The following BRIP1 variants were observed in gnomAD, a reference collection of about 807,000 sequenced individuals.
The protein encoded by BRIP1 is Fanconi anemia group J protein.
BRIP1 carries 88 observed loss-of-function variants against 119.7 expected under a neutral mutation model. The ratio of observed to expected loss-of-function variants is 0.74; its 90% CI spans 0.62 to 0.88. BRIP1 has a LOEUF of 0.88. BRIP1 is among the 40% of genes least tolerant of loss of function. The pLI is 0.00. For missense variants in BRIP1, 1,259 were observed against 1,455.4 expected (o/e 0.87, Z 2.20); for synonymous variants, 443 against 496.5 (o/e 0.89, Z 1.43).
intron 14 of BRIP1, among the ~76,000 whole-genome samples, chr17:61,772,423 T>C (rs570114024): frequency 5.3e-5 from 8 of 151,892 alleles, no homozygotes; most frequent in African/African-American, 1.9e-4. Context: ...TGGGGAGTTA[T>C]TTTGTGGGAA....
At chr17:61,837,028 C>T (rs144381992) in intron 6 of BRIP1, among the ~76,000 whole-genome samples, 164 of 152,144 alleles carry the variant, frequency 1.1e-3, no homozygotes, top group African/African-American at 3.5e-3. Context: ...GCTATAATTG[C>T]GGAAAATATT....
rs2144647168 is a variant in BRIP1, at chr17:61,739,724, G to A, written c.2379+3289C>T. Among the ~76,000 whole-genome samples the A allele has an allele frequency of 6.6e-6, 1 of 152,264 alleles. No homozygotes were observed. The highest frequency in any genetic ancestry group is 3.4e-3 in the Middle Eastern group (1 of 294). ...TGAGACCCTAACTGACTGTATCCTA[G>A]GGGGAGGGATATAGGTCATAATCAA... On this transcript the variant is annotated intron_variant, in intron 16 of 19. Transcript: ENST00000259008. The surrounding 1 kb of genome is among the most constrained non-coding windows in gnomAD (Gnocchi z 6.0).
rs918147849 is a variant in BRIP1, at chr17:61,852,908, G to A, written c.380-3652C>T. ...GGGTTGGAGGGATCTGACCGGGGACGCATAAATTGATTCAACCACTTTAGA... is the reference window on the plus strand; with the variant it reads ...GGGTTGGAGGGATCTGACCGGGGACACATAAATTGATTCAACCACTTTAGA... On this transcript the variant is annotated intron_variant, in intron 4 of 19. Coordinates refer to ENST00000259008, the MANE Select transcript of BRIP1 (RefSeq NM_032043.3). This position sits in a 1 kb window ranked among gnomAD's most constrained non-coding sequence, Gnocchi z 4.9. 1.3e-5 allele frequency among the ~76,000 whole-genome samples: 2 copies of A among 152,100 alleles called. No individual in the cohort carries two copies. Among genetic ancestry groups the A allele is most frequent in the East Asian group, 1.9e-4 (1 of 5,180 alleles).
In BRIP1 at chr17:61,789,852, A is replaced by G. The variant is rs2077788711; in HGVS notation, c.1473+3745T>C. On this transcript the variant is annotated intron_variant, in intron 10 of 19. Transcript: ENST00000259008. This position sits in a 1 kb window ranked among gnomAD's most constrained non-coding sequence, Gnocchi z 4.8. Reference sequence around the variant, plus strand: ...AAGGCATAAGTAGACATAAATCACAATGTTCACAATGTTCATCTTTGAGTT... The same window carrying G: ...AAGGCATAAGTAGACATAAATCACAGTGTTCACAATGTTCATCTTTGAGTT... Among the ~76,000 whole-genome samples the G allele has an allele frequency of 1.3e-5, 2 of 152,194 alleles. No individual in the cohort carries two copies. The highest frequency in any genetic ancestry group is 1.3e-4 in the Admixed American group (2 of 15,284).
rs2078401108 is a variant in BRIP1, at chr17:61,825,988, C to G, written c.628-17231G>C. Among the ~76,000 whole-genome samples the G allele has an allele frequency of 6.6e-6, 1 of 152,142 alleles. No individual in the cohort carries two copies. Among genetic ancestry groups the G allele is most frequent in the African/African-American group, 2.4e-5 (1 of 41,426 alleles). ...GAACAAAGCTGGAGGCATCGCACTACCCAACTTCAAACTATACTACGTGGC... is the reference window on the plus strand; with the variant it reads ...GAACAAAGCTGGAGGCATCGCACTAGCCAACTTCAAACTATACTACGTGGC... On this transcript the variant is annotated intron_variant, in intron 6 of 19. Coordinates refer to ENST00000259008, the MANE Select transcript of BRIP1 (RefSeq NM_032043.3). This position sits in a 1 kb window ranked among gnomAD's most constrained non-coding sequence, Gnocchi z 4.1.
intron 19 of BRIP1, chr17:61,685,601 C>T: frequency 1.8e-6 from 1 of 545,856 alleles, no homozygotes; most frequent in Admixed American, 3.4e-5. Context: ...TGCTCATGAT[C>T]ACAAAGCTAG....
chr17:61,727,173 G>C (rs760996966), intron 16 of BRIP1, among the ~76,000 whole-genome samples: 1 of 152,070 alleles, frequency 6.6e-6, no homozygotes, highest in Non-Finnish European at 1.5e-5. Context: ...AGAGGCTTTT[G>C]GATGCCAGAA....
Position 61,793,694 on chromosome 17 carries a change from C to G in BRIP1, c.1376G>C (p.Arg459Thr), listed in dbSNP as rs2145243558. The G allele has an allele frequency of 1.2e-6, 2 of 1,610,714 alleles. No homozygotes were observed. The highest frequency in any genetic ancestry group is 1.7e-6 in the Non-Finnish European group (2 of 1,178,434). ...TATTTTACAAGCTGATTCATAATCTCTTTCTACAAGATATTCAGCGTTTGC... is the reference window on the plus strand; with the variant it reads ...TATTTTACAAGCTGATTCATAATCTGTTTCTACAAGATATTCAGCGTTTGC... Reference protein sequence around the residue: ...LEANAEYLVERDYESACKIWS... With the variant: ...LEANAEYLVETDYESACKIWS... The change falls in exon 10 of 20, where the codon AGA (arginine) becomes ACA (threonine). Residue 459 changes from arginine to threonine, a missense_variant. Coordinates refer to ENST00000259008, the MANE Select transcript of BRIP1 (RefSeq NM_032043.3). The surrounding 1 kb of genome is among the most constrained non-coding windows in gnomAD (Gnocchi z 5.2).
At chr17:61,721,311 C>T (rs1400343071) in intron 16 of BRIP1, among the ~76,000 whole-genome samples, 1 of 141,610 alleles carries the variant, frequency 7.1e-6, no homozygotes, top group Non-Finnish European at 1.5e-5. Context: ...TGCTCTGTCA[C>T]CAGGCCGGAG....
At chr17:61,792,664 G>A (rs1202880688) in intron 10 of BRIP1, among the ~76,000 whole-genome samples, 4 of 152,086 alleles carry the variant, frequency 2.6e-5, no homozygotes, top group African/African-American at 7.2e-5. Context: ...GGGTTTGGTG[G>A]GTGTGGGCGT....
At position 61,758,307 on chromosome 17, in the gene BRIP1, A is replaced by G. The variant is rs1292949979; in HGVS notation, c.2098-13716T>C. Among the ~76,000 whole-genome samples the G allele has an allele frequency of 2.0e-5, 3 of 152,126 alleles. No homozygotes were observed. The highest frequency in any genetic ancestry group is 2.0e-4 in the Admixed American group (3 of 15,268). On this transcript the variant is annotated intron_variant, in intron 14 of 19. Coordinates refer to ENST00000259008, the MANE Select transcript of BRIP1 (RefSeq NM_032043.3). The surrounding 1 kb of genome is among the most constrained non-coding windows in gnomAD (Gnocchi z 5.3). ...AGATTAACTGTAGGCGAAAAAGGCA[A>G]CTCGTTTTCTATACTTCTGTAAATG... is the stretch of plus-strand genomic sequence containing the variant.
In BRIP1 at chr17:61,757,069, C is replaced by T. The variant is rs2144808570; in HGVS notation, c.2098-12478G>A. Among the ~76,000 whole-genome samples, 1 of 152,222 alleles carries T rather than the reference C, an allele frequency of 6.6e-6. No homozygotes were observed. The highest frequency in any genetic ancestry group is 1.9e-4 in the East Asian group (1 of 5,182). On this transcript the variant is annotated intron_variant, in intron 14 of 19. Transcript: ENST00000259008. This position sits in a 1 kb window ranked among gnomAD's most constrained non-coding sequence, Gnocchi z 4.3. ...GGTACTCATATGTTTTAAATGTTTACTTTCTTTTATTCAGTTGATATGTAC... is the reference window on the plus strand; with the variant it reads ...GGTACTCATATGTTTTAAATGTTTATTTTCTTTTATTCAGTTGATATGTAC...
At position 61,744,299 on chromosome 17, in the gene BRIP1, T is replaced by C. The variant is rs1469204391; in HGVS notation, c.2257+133A>G. ...ATTAAAAGAATTTCTTTACCCAATT[T>C]ATTTTCTTTTCACTCAGGATTATAA... On this transcript the variant is annotated intron_variant, in intron 15 of 19. Coordinates refer to ENST00000259008, the MANE Select transcript of BRIP1 (RefSeq NM_032043.3). The surrounding 1 kb of genome is among the most constrained non-coding windows in gnomAD (Gnocchi z 5.0). 14 of 986,578 alleles carry C rather than the reference T, an allele frequency of 1.4e-5. No homozygotes were observed. The highest frequency in any genetic ancestry group is 1.5e-5 in the Non-Finnish European group (10 of 669,274). 61.1% of individuals were successfully genotyped at this position (986,578 alleles called of 1,614,324 possible).
intron 6 of BRIP1, among the ~76,000 whole-genome samples, chr17:61,835,176 T>C (rs2078553489): frequency 6.6e-6 from 1 of 152,162 alleles, no homozygotes; most frequent in Non-Finnish European, 1.5e-5. Context: ...TTTAATTCAA[T>C]ATAAAAGAGT....
In BRIP1 at chr17:61,755,986, T is replaced by C. The variant is rs1200785607; in HGVS notation, c.2098-11395A>G. ...CATTTCCACAGAACACAATGTGTTT[T>C]ATTTTAATTTCTTCAGTGGAGATTT... is the stretch of plus-strand genomic sequence containing the variant. On this transcript the variant is annotated intron_variant, in intron 14 of 19. Coordinates refer to ENST00000259008, the MANE Select transcript of BRIP1 (RefSeq NM_032043.3). The surrounding 1 kb of genome is among the most constrained non-coding windows in gnomAD (Gnocchi z 4.5). 3.3e-5 allele frequency among the ~76,000 whole-genome samples: 5 copies of C among 152,214 alleles called. No individual in the cohort carries two copies. Among genetic ancestry groups the C allele is most frequent in the Non-Finnish European group, 7.3e-5 (5 of 68,034 alleles).
intron 4 of BRIP1, among the ~76,000 whole-genome samples, chr17:61,850,701 G>T (rs1376300936): frequency 6.6e-6 from 1 of 151,758 alleles, no homozygotes; most frequent in Non-Finnish European, 1.5e-5. Context: ...GTTGGTGCAG[G>T]CCTATAATCC....
In BRIP1 at chr17:61,802,986, T is replaced by C. The variant is rs897048809; in HGVS notation, c.919-1512A>G. ...ATCTTGTTTTGATTTGTATTTTTTA[T>C]AGTTTCTAGCAAAGTTTAACATAGT... On this transcript the variant is annotated intron_variant, in intron 7 of 19. Transcript: ENST00000259008. The surrounding 1 kb of genome is among the most constrained non-coding windows in gnomAD (Gnocchi z 6.0). Among the ~76,000 whole-genome samples the C allele has an allele frequency of 6.6e-6, 1 of 152,242 alleles. No homozygotes were observed. Among genetic ancestry groups the C allele is most frequent in the African/African-American group, 2.4e-5 (1 of 41,474 alleles).
At chr17:61,817,149 C>T (rs1478333774) in intron 6 of BRIP1, among the ~76,000 whole-genome samples, 4 of 151,990 alleles carry the variant, frequency 2.6e-5, no homozygotes, top group South Asian at 2.1e-4. Flanking sequence ...ACTCTTGTGC[C>T]CATCTTCAAT....
In BRIP1 at chr17:61,823,574, A is replaced by T. The variant is rs1486801720; in HGVS notation, c.628-14817T>A. Among the ~76,000 whole-genome samples, 1 of 152,224 alleles carries T rather than the reference A, an allele frequency of 6.6e-6. No homozygotes were observed. Among genetic ancestry groups the T allele is most frequent in the Non-Finnish European group, 1.5e-5 (1 of 68,034 alleles). On this transcript the variant is annotated intron_variant, in intron 6 of 19. Coordinates refer to ENST00000259008, the MANE Select transcript of BRIP1 (RefSeq NM_032043.3). The surrounding 1 kb of genome is among the most constrained non-coding windows in gnomAD (Gnocchi z 4.8). ...AAGCACAAAGAAGAAAAAATAGCTT[A>T]AAAAATGAACATATAGTCAGTGATG...
Sources: gnomAD v4.1 joint callset for allele counts (sites outside exome capture counted in the v4.1 genomes callset) on GRCh38, gnomAD v4.1.1 for gene constraint, Gnocchi (gnomAD v3.1) non-coding constraint, MANE v1.5 for transcripts, NCBI Gene and HGNC (gene_info 2026-07-23, HGNC 2026-07-21) for gene names.